The following KDM2A variants were observed in gnomAD, a reference collection of about 807,000 sequenced individuals.
KDM2A encodes lysine-specific demethylase 2A.
KDM2A carries 3 observed loss-of-function variants against 137.3 expected under a neutral mutation model. The ratio of observed to expected loss-of-function variants is 0.02; its 90% CI spans 0.01 to 0.06. The LOEUF (loss-of-function observed/expected upper bound fraction) is 0.06. Among genes scored for constraint, KDM2A ranks in the 10% least tolerant of loss-of-function variants. The pLI, the probability that KDM2A is intolerant of heterozygous loss-of-function variation, is 1.00. For missense variants in KDM2A, 738 were observed against 1,510.6 expected (o/e 0.49, Z 8.48); for synonymous variants, 512 against 541.5 (o/e 0.95, Z 0.76).
chr11:67,195,301 G>A (rs1274310527), intron 5 of KDM2A, among the ~76,000 whole-genome samples: 2 of 130,788 alleles, frequency 1.5e-5, no homozygotes, highest in South Asian at 2.4e-4. Flanking sequence ...CCCAGAAGGC[G>A]AAGGCTGCAG....
At chr11:67,205,797 T>C (rs1857788537) in intron 5 of KDM2A, among the ~76,000 whole-genome samples, 1 of 152,058 alleles carries the variant, frequency 6.6e-6, no homozygotes, top group African/African-American at 2.4e-5. Flanking sequence ...TACAATATTG[T>C]CAGCTTTTTA....
intron 2 of KDM2A, among the ~76,000 whole-genome samples, chr11:67,142,400 C>T (rs549122097): frequency 4.0e-5 from 6 of 150,624 alleles, no homozygotes; most frequent in Admixed American, 3.9e-4. Context: ...CCTGTAATCC[C>T]AGCACTTTGG....
intron 2 of KDM2A, among the ~76,000 whole-genome samples, chr11:67,174,484 G>C (rs1856939359): frequency 6.6e-6 from 1 of 152,066 alleles, no homozygotes; most frequent in Non-Finnish European, 1.5e-5. Flanking sequence ...AAGAATGTCA[G>C]AAATTTCTAT....
chr11:67,157,533 T>G (rs1205492450), intron 2 of KDM2A, among the ~76,000 whole-genome samples: 2 of 151,476 alleles, frequency 1.3e-5, no homozygotes, highest in Non-Finnish European at 2.9e-5. Context: ...TCACCTGAGG[T>G]CAGGGGTTCA....
At chr11:67,226,460 C>T (rs535216408) in intron 10 of KDM2A, among the ~76,000 whole-genome samples, 1 of 152,240 alleles carries the variant, frequency 6.6e-6, no homozygotes, top group South Asian at 2.1e-4. Flanking sequence ...CAGTGGCTCA[C>T]GCCTGTAATC....
intron 10 of KDM2A, among the ~76,000 whole-genome samples, chr11:67,220,353 A>C (rs1483170725): frequency 6.6e-6 from 1 of 152,104 alleles, no homozygotes; most frequent in Non-Finnish European, 1.5e-5. Context: ...ACCTCTGGTA[A>C]TCTCTTGAGC....
At chr11:67,177,220 C>T (rs1263660702) in intron 2 of KDM2A, among the ~76,000 whole-genome samples, 2 of 152,106 alleles carry the variant, frequency 1.3e-5, no homozygotes, top group Non-Finnish European at 2.9e-5. Flanking sequence ...GAGCCGAGAT[C>T]ACTCCATTGC....
At chr11:67,240,023 C>T (rs1858979818) in intron 12 of KDM2A, 1 of 1,295,912 alleles carries the variant, frequency 7.7e-7, no homozygotes, top group South Asian at 2.5e-5. Context: ...CACTCTCGCT[C>T]GGCTCCCCCT....
At chr11:67,216,141 C>G (rs867879713) in intron 8 of KDM2A, among the ~76,000 whole-genome samples, 192 bp downstream of exon 8, 2 of 152,224 alleles carry the variant, frequency 1.3e-5, no homozygotes, top group Non-Finnish European at 2.9e-5. Flanking sequence ...ATCTAGTTCA[C>G]TGTCATTACA....
intron 12 of KDM2A, among the ~76,000 whole-genome samples, chr11:67,233,921 G>A (rs1390391706): frequency 6.6e-6 from 1 of 152,154 alleles, no homozygotes; most frequent in African/African-American, 2.4e-5. Flanking sequence ...CTAAGATATA[G>A]TGGCAGAGGC....
At chr11:67,220,097 A>G (rs1220664769) in intron 10 of KDM2A, among the ~76,000 whole-genome samples, 1 of 151,584 alleles carries the variant, frequency 6.6e-6, no homozygotes, top group Admixed American at 6.6e-5. Flanking sequence ...TGCAGCCTCA[A>G]CCTCCCTGGG....
chr11:67,209,585 A>G (rs1857915414), intron 6 of KDM2A, among the ~76,000 whole-genome samples: 1 of 151,818 alleles, frequency 6.6e-6, no homozygotes, highest in Non-Finnish European at 1.5e-5. Flanking sequence ...CTGGGATTAC[A>G]GGGACACACC....
At chr11:67,251,104 G>C (rs936363726) in intron 17 of KDM2A, among the ~76,000 whole-genome samples, 1 of 152,052 alleles carries the variant, frequency 6.6e-6, no homozygotes, top group Non-Finnish European at 1.5e-5. Context: ...AGAGTCTTGC[G>C]GGCTGAAAAT....
At chr11:67,181,055 A>G (rs1264254782) in intron 3 of KDM2A, among the ~76,000 whole-genome samples, 33 of 151,488 alleles carry the variant, frequency 2.2e-4, no homozygotes, top group Non-Finnish European at 4.4e-5. Flanking sequence ...TCCTATCCCC[A>G]TATTATTTAA....
chr11:67,160,771 C>CA (rs950966505), intron 2 of KDM2A, among the ~76,000 whole-genome samples: 9 of 150,320 alleles, frequency 6.0e-5, no homozygotes, highest in East Asian at 1.9e-4. Flanking sequence ...AACTCCATCT[C>CA]AAAAAAAACA....
At chr11:67,196,400 G>GCATAGCTGGGACTGCAAGCATGA (rs1857483283) in intron 5 of KDM2A, 2 of 455,894 alleles carry the variant, frequency 4.4e-6, no homozygotes. Flanking sequence ...TTAACCTCTT[G>GCATAGCTGGGACTGCAAGCATGA]CATAGCTGGG....
In KDM2A at chr11:67,240,133, C is replaced by G. The variant is rs561467717; in HGVS notation, c.1480-2876C>G. The G allele has an allele frequency of 1.0e-3, 1,467 of 1,407,944 alleles. 18 individuals carry two copies. In the Middle Eastern group the frequency reaches 0.011, roughly 10 times the overall value. 87.2% of individuals were successfully genotyped at this position (1,407,944 alleles called of 1,614,324 possible). On this transcript the variant is annotated intron_variant, in intron 12 of 20. Transcript: ENST00000529006. ...GAAGCCGCGGCTGAGCTGAAGGGCT[C>G]GAGAAGGAGCCCAGAGCGCTGCACG...
At chr11:67,215,273 A>C (rs774652519) in intron 6 of KDM2A, 67 bp from the exon 7 acceptor site, 1 of 976,036 alleles carries the variant, frequency 1.0e-6, no homozygotes, top group Non-Finnish European at 1.5e-6. Context: ...GCTTTTCTTG[A>C]CTTTAAAATT....
At chr11:67,129,352 A>G (rs1029953924) in intron 2 of KDM2A, among the ~76,000 whole-genome samples, 5 of 152,108 alleles carry the variant, frequency 3.3e-5, no homozygotes, top group African/African-American at 1.2e-4. Context: ...ACTTTGGGAG[A>G]CCAAGGCCAG....
Sources: gnomAD v4.1 joint callset for allele counts (sites outside exome capture counted in the v4.1 genomes callset) on GRCh38, gnomAD v4.1.1 for gene constraint, MANE v1.5 for transcripts, NCBI Gene and HGNC (gene_info 2026-07-23, HGNC 2026-07-21) for gene names.